Variants in REDIC1 observed in about 807,000 individuals in gnomAD.
The protein encoded by REDIC1 is HEI10 Interacting Protein 1.
At chr12:39,667,479 A>C in the REDIC1 span, among the ~76,000 whole-genome samples, 1 of 152,200 alleles carries the variant, frequency 6.6e-6, no homozygotes, top group African/African-American at 2.4e-5. Flanking sequence ...GGAGTGCTTT[A>C]CTTCCAACTA....
the REDIC1 span, among the ~76,000 whole-genome samples, chr12:39,898,378 T>C: frequency 6.6e-6 from 1 of 152,182 alleles, no homozygotes; most frequent in Non-Finnish European, 1.5e-5. Flanking sequence ...GTTTAGGTTC[T>C]ACAAATCTCA....
At chr12:39,646,214 GT>G in the REDIC1 span, 1 of 332,044 alleles carries the variant, frequency 3.0e-6, no homozygotes, top group Non-Finnish European at 5.4e-6. Context: ...GAATGTAAAT[GT>G]TTTAGTAAAA....
the REDIC1 span, among the ~76,000 whole-genome samples, chr12:39,878,147 C>T: frequency 1.3e-5 from 2 of 152,306 alleles, no homozygotes; most frequent in African/African-American, 2.4e-5. Flanking sequence ...ACCAATTATA[C>T]CTCTTTTCTT....
chr12:39,897,610 T>C, the REDIC1 span, among the ~76,000 whole-genome samples: 1 of 152,206 alleles, frequency 6.6e-6, no homozygotes, highest in Non-Finnish European at 1.5e-5. Context: ...CACATGCAGC[T>C]CTTGAGCACT....
At chr12:39,814,413 C>G in the REDIC1 span, among the ~76,000 whole-genome samples, 1 of 152,140 alleles carries the variant, frequency 6.6e-6, no homozygotes, top group Non-Finnish European at 1.5e-5. Context: ...AAGAACAACA[C>G]AAGAAGGCTT....
the REDIC1 span, among the ~76,000 whole-genome samples, chr12:39,711,720 TGCACATGC>T: frequency 1.7e-5 from 1 of 57,240 alleles, no homozygotes; most frequent in Admixed American, 1.7e-4. Flanking sequence ...TGCATGTGTA[TGCACATGC>T]ATGTGTGTAT....
the REDIC1 span, among the ~76,000 whole-genome samples, chr12:39,719,193 A>T: frequency 6.6e-6 from 1 of 152,168 alleles, no homozygotes; most frequent in African/African-American, 2.4e-5. Context: ...TCAGCACTAT[A>T]TTACAGTGTT....
chr12:39,888,152 A>G, the REDIC1 span, among the ~76,000 whole-genome samples: 3 of 152,334 alleles, frequency 2.0e-5, no homozygotes, highest in African/African-American at 7.2e-5. Flanking sequence ...TCAAATGCCC[A>G]CATTCTGCTG....
the REDIC1 span, among the ~76,000 whole-genome samples, chr12:39,893,026 A>G: frequency 6.6e-6 from 1 of 152,306 alleles, no homozygotes; most frequent in East Asian, 1.9e-4. Flanking sequence ...CTCTAAATTC[A>G]ATTAAGATAT....
the REDIC1 span, among the ~76,000 whole-genome samples, chr12:39,748,593 C>T: frequency 6.6e-6 from 1 of 152,334 alleles, no homozygotes; most frequent in African/African-American, 2.4e-5. Flanking sequence ...CAGAACTCTC[C>T]ACCCCAAATC....
chr12:39,707,700 TG>T, the REDIC1 span, among the ~76,000 whole-genome samples: 1 of 151,946 alleles, frequency 6.6e-6, no homozygotes, highest in African/African-American at 2.4e-5. Flanking sequence ...TAATTATCAT[TG>T]TTTTATAATG....
At chr12:39,652,323 C>G in the REDIC1 span, among the ~76,000 whole-genome samples, 112,025 of 151,996 alleles carry the variant, frequency 0.74, 42,693 homozygotes, top group Non-Finnish European at 0.84. Context: ...GAACTATTTT[C>G]CAGTGGTATT....
At chr12:39,707,364 C>T in the REDIC1 span, among the ~76,000 whole-genome samples, 10 of 151,848 alleles carry the variant, frequency 6.6e-5, no homozygotes, top group South Asian at 8.3e-4. Flanking sequence ...CAATTACAAA[C>T]GCTGATGAGG....
chr12:39,776,729 C>A, the REDIC1 span, among the ~76,000 whole-genome samples: 147,957 of 152,220 alleles, frequency 0.97, 71,909 homozygotes, highest in East Asian at 1. Flanking sequence ...GGAGTTGAGA[C>A]ATTTTTCTTT....
the REDIC1 span, among the ~76,000 whole-genome samples, chr12:39,809,855 G>A: frequency 6.6e-6 from 1 of 152,120 alleles, no homozygotes; most frequent in African/African-American, 2.4e-5. Flanking sequence ...TTTTATGGCT[G>A]CATAGTATTC....
At chr12:39,804,433 T>A in the REDIC1 span, among the ~76,000 whole-genome samples, 11 of 152,192 alleles carry the variant, frequency 7.2e-5, no homozygotes, top group African/African-American at 2.4e-4. Flanking sequence ...GGTAAGAGTT[T>A]AACATTCATT....
the REDIC1 span, among the ~76,000 whole-genome samples, chr12:39,903,484 A>C: frequency 6.6e-6 from 1 of 152,036 alleles, no homozygotes; most frequent in African/African-American, 2.4e-5. Flanking sequence ...GAAAAATGCC[A>C]TTCTAGGCCC....
chr12:39,907,312 T>C, the REDIC1 span, among the ~76,000 whole-genome samples: 1 of 152,160 alleles, frequency 6.6e-6, no homozygotes, highest in Non-Finnish European at 1.5e-5. Context: ...TTCATAGATG[T>C]AGTGAGCAAA....
At chr12:39,680,370 A>C in the REDIC1 span, among the ~76,000 whole-genome samples, 1 of 152,178 alleles carries the variant, frequency 6.6e-6, no homozygotes, top group Admixed American at 6.5e-5. Context: ...AACAGATATG[A>C]AAAAATGCTC....
Sources: allele counts gnomAD v4.1 joint callset (sites outside exome capture counted in the v4.1 genomes callset), GRCh38; gene constraint gnomAD v4.1.1; transcripts MANE v1.5; gene names NCBI Gene and HGNC (gene_info 2026-07-23, HGNC 2026-07-21).